PLAC1: variants seen among roughly 807,000 people sequenced by gnomAD.
The protein encoded by PLAC1 is placenta-specific protein 1.
For missense variants in PLAC1, 136 were observed against 163.2 expected (o/e 0.83, Z 0.91); for synonymous variants, 68 against 62.1 (o/e 1.09, Z -0.44).
At chrX:134,571,132 G>A (rs1447284287) in intron 2 of PLAC1, among the ~76,000 whole-genome samples, 2 of 111,355 alleles carry the variant, frequency 1.8e-5, no homozygotes, top group Admixed American at 9.6e-5. Context: ...GAATGGATTG[G>A]CCAAAACAAA....
intron 2 of PLAC1, among the ~76,000 whole-genome samples, chrX:134,665,643 G>A (rs1275624505): frequency 1.8e-5 from 2 of 111,172 alleles, no homozygotes; most frequent in Non-Finnish European, 3.8e-5. Flanking sequence ...TTATTCCCCT[G>A]TCACAGGGGA....
intron 1 of PLAC1, among the ~76,000 whole-genome samples, chrX:134,760,892 G>A (rs1051401709): frequency 1.8e-5 from 2 of 110,336 alleles, no homozygotes; most frequent in Non-Finnish European, 3.8e-5. Flanking sequence ...CTCACACTAC[G>A]ATGGGAACAA....
chrX:134,639,735 T>C (rs2078299451), intron 1 of PLAC1, among the ~76,000 whole-genome samples: 1 of 111,762 alleles, frequency 8.9e-6, no homozygotes, highest in Non-Finnish European at 1.9e-5. Flanking sequence ...CAGATTCTTC[T>C]CATTTCTCCC....
intron 2 of PLAC1, among the ~76,000 whole-genome samples, chrX:134,728,137 CCT>C (rs2078679492): frequency 9.0e-6 from 1 of 111,549 alleles, no homozygotes; most frequent in Non-Finnish European, 1.9e-5. Flanking sequence ...GCCTCAGACA[CCT>C]GTGGGACACC....
At chrX:134,577,138 C>T (rs963816618) in intron 2 of PLAC1, among the ~76,000 whole-genome samples, 4 of 111,908 alleles carry the variant, frequency 3.6e-5, no homozygotes, top group African/African-American at 1.3e-4. Context: ...GGAATAGAGA[C>T]AAAAACTTAG....
At chrX:134,664,948 T>C (rs184761967) in intron 2 of PLAC1, among the ~76,000 whole-genome samples, 245 of 112,091 alleles carry the variant, frequency 2.2e-3, no homozygotes, top group Admixed American at 3.7e-3. Flanking sequence ...ACTTAACTTG[T>C]ACATATGCTA....
intron 1 of PLAC1, among the ~76,000 whole-genome samples, chrX:134,758,845 T>G (rs1250370719): frequency 8.9e-6 from 1 of 111,907 alleles, no homozygotes; most frequent in Non-Finnish European, 1.9e-5. Context: ...AAACAACCTG[T>G]TGAATATGAG....
chrX:134,660,769 G>A (rs899737317), upstream of PLAC1, among the ~76,000 whole-genome samples: 2 of 111,753 alleles, frequency 1.8e-5, no homozygotes, highest in Non-Finnish European at 3.8e-5. Context: ...ATATTTTCTG[G>A]AGTTGTGGGA....
chrX:134,724,750 C>T (rs2078668676), intron 2 of PLAC1, among the ~76,000 whole-genome samples: 1 of 112,161 alleles, frequency 8.9e-6, no homozygotes, highest in Non-Finnish European at 1.9e-5. Context: ...TGCCTGTAAT[C>T]CCAGCACTTT....
chrX:134,610,255 C>T (rs1173420165), intron 1 of PLAC1, among the ~76,000 whole-genome samples: 1 of 111,665 alleles, frequency 9.0e-6, no homozygotes, highest in Non-Finnish European at 1.9e-5. Context: ...GGATTACAGG[C>T]GTGAGCCACC....
rs773908544 is a variant in PLAC1, at chrX:134,723,366, G to A, written n.174+10069C>T. On this transcript the variant is annotated intron_variant and non_coding_transcript_variant, in intron 2 of 2. Transcript: ENST00000466797. ...TCTGCCACCCAGGCTGGAGTGCAGTGGCAGGATCATGGCTCAGCGCAGCCT... is the reference window on the plus strand; with the variant it reads ...TCTGCCACCCAGGCTGGAGTGCAGTAGCAGGATCATGGCTCAGCGCAGCCT... Among the ~76,000 whole-genome samples the A allele has an allele frequency of 2.8e-5, 3 of 106,128 alleles. No individual in the cohort carries two copies. In the South Asian group the frequency reaches 1.3e-3, roughly 46 times the overall value. The allele number at this position is 106,128 out of a possible 115,157, so 92.2% of individuals were successfully genotyped here.
intron 2 of PLAC1, among the ~76,000 whole-genome samples, chrX:134,715,551 C>T (rs994272278): frequency 9.1e-6 from 1 of 109,291 alleles, no homozygotes; most frequent in Admixed American, 9.9e-5. Context: ...TTTGTTTTAA[C>T]CTTGTTTGTC....
At chrX:134,614,185 C>T (rs1173231118) in intron 1 of PLAC1, among the ~76,000 whole-genome samples, 1 of 111,121 alleles carries the variant, frequency 9.0e-6, no homozygotes, top group East Asian at 2.8e-4. Context: ...TGTACCAGAC[C>T]ACCCAGTGTC....
intron 2 of PLAC1, among the ~76,000 whole-genome samples, chrX:134,579,302 A>G (rs1449755410): frequency 1.8e-5 from 2 of 111,459 alleles, no homozygotes; most frequent in Admixed American, 1.9e-4. Flanking sequence ...TCAAGGTTAG[A>G]TAAGTCAATC....
chrX:134,691,267 A>T lies in PLAC1; in HGVS notation n.174+42168T>A, dbSNP rs1051457146. On this transcript the variant is annotated intron_variant and non_coding_transcript_variant, in intron 2 of 2. Coordinates refer to the PLAC1 transcript ENST00000466797. ...TATCCTCTGAGGCCAGCATCATGCC[A>T]GGAGTTGTGGAAGAGTGGCAAGAAG... 2.8e-5 allele frequency among the ~76,000 whole-genome samples: 3 copies of T among 108,755 alleles called. No individual in the cohort carries two copies. In the Admixed American group the frequency reaches 3.0e-4, roughly 11 times the overall value. The allele number at this position is 108,755 out of a possible 115,157, so 94.4% of individuals were successfully genotyped here.
chrX:134,711,495 C>A (rs757711735), intron 2 of PLAC1, among the ~76,000 whole-genome samples: 41 of 112,189 alleles, frequency 3.7e-4, no homozygotes, highest in South Asian at 7.3e-4. Flanking sequence ...ACTCCCTTCA[C>A]CCCAATCAAC....
At chrX:134,746,379 T>G (rs1470546072) in intron 1 of PLAC1, among the ~76,000 whole-genome samples, 1 of 112,116 alleles carries the variant, frequency 8.9e-6, no homozygotes, top group Non-Finnish European at 1.9e-5. Context: ...AAGGCACCCT[T>G]TACATCTCTC....
At chrX:134,686,619 G>A (rs2078517935) in intron 2 of PLAC1, among the ~76,000 whole-genome samples, 1 of 111,575 alleles carries the variant, frequency 9.0e-6, no homozygotes, top group African/African-American at 3.3e-5. Flanking sequence ...CAGCACTTAT[G>A]TTATTGTAAC....
intron 2 of PLAC1, among the ~76,000 whole-genome samples, chrX:134,716,837 A>G (rs1018043462): frequency 8.9e-5 from 10 of 112,555 alleles, no homozygotes; most frequent in Non-Finnish European, 1.9e-4. Context: ...AGTTCTGCCA[A>G]TCTGACCTTG....
Sources: allele counts gnomAD v4.1 joint callset (sites outside exome capture counted in the v4.1 genomes callset), GRCh38; gene constraint gnomAD v4.1.1; transcripts MANE v1.5; gene names NCBI Gene and HGNC (gene_info 2026-07-23, HGNC 2026-07-21).